APBB2: variants seen among roughly 807,000 people sequenced by gnomAD.
APBB2 encodes Fe65-like 1.
APBB2 carries 38 observed loss-of-function variants against 82.5 expected under a neutral mutation model. The ratio of observed to expected loss-of-function variants is 0.46; its 90% CI spans 0.36 to 0.60. The LOEUF (loss-of-function observed/expected upper bound fraction) is 0.60. Among genes scored for constraint, APBB2 ranks in the 20% least tolerant of loss-of-function variants. APBB2 has a pLI of 0.00. For synonymous variants in APBB2, 341 were observed against 368.2 expected (o/e 0.93, Z 0.85); for missense variants, 772 against 972.3 (o/e 0.79, Z 2.74).
intron 5 of APBB2, among the ~76,000 whole-genome samples, chr4:41,026,938 CA>C (rs879931049): frequency 1.1e-4 from 17 of 150,810 alleles, no homozygotes; most frequent in Non-Finnish European, 2.1e-4. Flanking sequence ...TCAGGTCTCT[CA>C]AAAAAAAAGT....
At chr4:41,077,875 A>G (rs2661667) in intron 3 of APBB2, among the ~76,000 whole-genome samples, 151,722 of 152,314 alleles carry the variant, frequency 1, 75,566 homozygotes, top group Middle Eastern at 1. Context: ...CCAGAACAGA[A>G]TGAGCAAGCA....
At chr4:41,172,609 G>A (rs1232884547) in intron 1 of APBB2, among the ~76,000 whole-genome samples, 1 of 152,218 alleles carries the variant, frequency 6.6e-6, no homozygotes, top group Non-Finnish European at 1.5e-5. Context: ...CCAATGCCTG[G>A]TACAGTACTT....
At chr4:40,885,945 C>G (rs1337863884) in intron 12 of APBB2, among the ~76,000 whole-genome samples, 3 of 149,060 alleles carry the variant, frequency 2.0e-5, no homozygotes, top group African/African-American at 7.4e-5. Flanking sequence ...TTTTTTTTTT[C>G]TCAAGGGAAA....
chr4:40,952,429 C>T (rs1790460165), intron 6 of APBB2, among the ~76,000 whole-genome samples: 1 of 152,074 alleles, frequency 6.6e-6, no homozygotes, highest in South Asian at 2.1e-4. Flanking sequence ...TCTCTTCTCT[C>T]TCAATTAATG....
At chr4:41,092,569 C>T (rs1742108819) in intron 3 of APBB2, among the ~76,000 whole-genome samples, 1 of 151,842 alleles carries the variant, frequency 6.6e-6, no homozygotes. Context: ...CGTGTGTGTA[C>T]TCGCAGCTAC....
chr4:40,965,914 T>C (rs1210292644), intron 6 of APBB2, among the ~76,000 whole-genome samples: 1 of 152,242 alleles, frequency 6.6e-6, no homozygotes, highest in Non-Finnish European at 1.5e-5. Flanking sequence ...GCCAACAATT[T>C]TGAAGCACTC....
At chr4:40,987,074 G>A (rs991371277) in intron 6 of APBB2, among the ~76,000 whole-genome samples, 1 of 152,134 alleles carries the variant, frequency 6.6e-6, no homozygotes, top group African/African-American at 2.4e-5. Context: ...CACAGTATAG[G>A]AGGAAAATTA....
rs998859186 is a variant in APBB2 at position 40,893,532 on chromosome 4, T to A, written c.1255-121A>T. On this transcript the variant is annotated intron_variant, in intron 10 of 17. Transcript: ENST00000508593. ...CTTAATGCACCTTTATTTGCTTCAT[T>A]ATGTTCAATCATCTAATTGAGTTAA... 4 of 878,518 alleles carry A rather than the reference T, an allele frequency of 4.6e-6. No individual in the cohort carries two copies. In the Admixed American group the frequency reaches 9.4e-5, roughly 21 times the overall value. The allele number at this position is 878,518 out of a possible 1,614,324, so 54.4% of individuals were successfully genotyped here. A position where few individuals can be genotyped will look rare whatever the true frequency, so the allele number is the denominator to read the frequency against.
Position 40,826,921 on chromosome 4 carries a change from AC to A in APBB2, c.1732+210del. The A allele has an allele frequency of 2.0e-6, 1 of 499,734 alleles. No individual in the cohort carries two copies. Among genetic ancestry groups the A allele is most frequent in the Non-Finnish European group, 3.6e-6 (1 of 281,168 alleles). The allele number at this position is 499,734 out of a possible 1,614,324, so 31.0% of individuals were successfully genotyped here. A position where few individuals can be genotyped will look rare whatever the true frequency, so the allele number is the denominator to read the frequency against. On this transcript the variant is annotated intron_variant, in intron 14 of 17. Coordinates refer to ENST00000508593, the MANE Select transcript of APBB2 (RefSeq NM_004307.2). This position sits in a 1 kb window ranked among gnomAD's most constrained non-coding sequence, Gnocchi z 4.5. ...TATTCTTTAATCTTGTCCAATAACAACAAAACTCATCCTGGCTTTATGCCTA... is the reference window on the plus strand; with the variant it reads ...TATTCTTTAATCTTGTCCAATAACAAAAAACTCATCCTGGCTTTATGCCTA...
At chr4:41,131,446 A>G (rs1755940493) in intron 2 of APBB2, among the ~76,000 whole-genome samples, 1 of 152,192 alleles carries the variant, frequency 6.6e-6, no homozygotes, top group South Asian at 2.1e-4. Flanking sequence ...ATAAATATCA[A>G]TTACATACAA....
intron 6 of APBB2, among the ~76,000 whole-genome samples, chr4:40,950,760 T>G (rs1057096823): frequency 1.3e-5 from 2 of 152,054 alleles, no homozygotes; most frequent in Admixed American, 6.5e-5. Context: ...GGAGAATCAC[T>G]TGAACCCAGG....
intron 4 of APBB2, among the ~76,000 whole-genome samples, chr4:41,062,668 T>G (rs1222225032): frequency 6.6e-6 from 1 of 152,072 alleles, no homozygotes; most frequent in African/African-American, 2.4e-5. Context: ...GGCAATGTGT[T>G]ATGCAGATGT....
At chr4:40,848,281 C>T (rs1007886112) in intron 12 of APBB2, among the ~76,000 whole-genome samples, 3 of 152,368 alleles carry the variant, frequency 2.0e-5, no homozygotes, top group Admixed American at 1.3e-4. Context: ...ATTCTTGCTG[C>T]GCACTGTCGC....
At chr4:40,883,068 G>A (rs989588270) in intron 12 of APBB2, among the ~76,000 whole-genome samples, 7 of 152,170 alleles carry the variant, frequency 4.6e-5, no homozygotes, top group Non-Finnish European at 7.3e-5. Flanking sequence ...TCTGGAAGGA[G>A]CCTGAACCCC....
rs545090485 is a variant in APBB2, at chr4:41,058,693, G to A, written c.-51+6883C>T. ...GGGATGTGCAGAGCACCCATTCACTGAATTAATACTTAACATCTAAAGTTC... is the reference window on the plus strand; with the variant it reads ...GGGATGTGCAGAGCACCCATTCACTAAATTAATACTTAACATCTAAAGTTC... On this transcript the variant is annotated intron_variant, in intron 4 of 17. Transcript: ENST00000508593. Among the ~76,000 whole-genome samples, 305 of 152,334 alleles carry A rather than the reference G, an allele frequency of 2.0e-3. 2 individuals are homozygous for A. The highest frequency in any genetic ancestry group is 6.9e-3 in the African/African-American group (285 of 41,568).
chr4:41,077,840 T>C (rs1736171454), intron 3 of APBB2, among the ~76,000 whole-genome samples: 2 of 152,156 alleles, frequency 1.3e-5, no homozygotes. Flanking sequence ...TCAACAGCTG[T>C]GCATAGGCCT....
At chr4:41,025,451 T>C (rs555796822) in intron 5 of APBB2, among the ~76,000 whole-genome samples, 2 of 151,960 alleles carry the variant, frequency 1.3e-5, no homozygotes, top group South Asian at 2.1e-4. Context: ...AGTGTGGCGA[T>C]TTCTCAAAAA....
At chr4:40,916,501 C>T (rs1395667758) in intron 10 of APBB2, among the ~76,000 whole-genome samples, 1 of 152,192 alleles carries the variant, frequency 6.6e-6, no homozygotes, top group Admixed American at 6.5e-5. Context: ...GGCTGAGCTG[C>T]GATTTTCAAA....
chr4:41,095,456 C>T (rs1166001255), intron 3 of APBB2, among the ~76,000 whole-genome samples: 2 of 152,204 alleles, frequency 1.3e-5, no homozygotes, highest in Non-Finnish European at 2.9e-5. Flanking sequence ...AATAGGCTTT[C>T]AGAGGACAGG....
Sources: allele counts gnomAD v4.1 joint callset (sites outside exome capture counted in the v4.1 genomes callset), GRCh38; gene constraint gnomAD v4.1.1; non-coding constraint Gnocchi (gnomAD v3.1); transcripts MANE v1.5; gene names NCBI Gene and HGNC (gene_info 2026-07-23, HGNC 2026-07-21).